Variants in KLHL13 observed in about 807,000 individuals in gnomAD.
The protein encoded by KLHL13 is kelch-like protein 13.
KLHL13 carries 10 observed loss-of-function variants against 37.1 expected under a neutral mutation model. The ratio of observed to expected loss-of-function variants is 0.27; its 90% CI spans 0.17 to 0.46. The LOEUF (loss-of-function observed/expected upper bound fraction) is 0.46, where lower values mean the gene tolerates loss of function less well. Among genes scored for constraint, KLHL13 ranks in the 20% least tolerant of loss-of-function variants. The pLI is 1.00. For synonymous variants in KLHL13, 163 were observed against 181.2 expected (o/e 0.90, Z 0.81); for missense variants, 360 against 509.3 (o/e 0.71, Z 2.82).
chrX:117,902,819 C>T (rs991369060), intron 5 of KLHL13, among the ~76,000 whole-genome samples: 1 of 110,908 alleles, frequency 9.0e-6, no homozygotes, highest in Non-Finnish European at 1.9e-5. Context: ...TTATTTATTG[C>T]AGACACTGCC....
intron 1 of KLHL13, among the ~76,000 whole-genome samples, chrX:118,057,494 T>C (rs1444713986): frequency 8.9e-6 from 1 of 112,353 alleles, no homozygotes. Context: ...TTAATCAAAA[T>C]GTAAAACTTG....
At chrX:117,995,384 T>A (rs1396702357) in intron 1 of KLHL13, among the ~76,000 whole-genome samples, 1 of 112,036 alleles carries the variant, frequency 8.9e-6, no homozygotes, top group East Asian at 2.8e-4. Context: ...TAAGTCTTAT[T>A]TTTTCCATAC....
intron 2 of KLHL13, among the ~76,000 whole-genome samples, chrX:117,942,000 T>C (rs988163238): frequency 6.2e-5 from 7 of 112,213 alleles, no homozygotes; most frequent in Non-Finnish European, 9.4e-5. Flanking sequence ...AACACTGCTT[T>C]AGCTGTGTCC....
intron 1 of KLHL13, among the ~76,000 whole-genome samples, chrX:118,062,684 G>A (rs2054754565): frequency 9.1e-6 from 1 of 110,335 alleles, no homozygotes; most frequent in South Asian, 3.8e-4. Context: ...TATAATCATG[G>A]TATTGATTTT....
At chrX:117,925,504 G>A (rs1252919264) in intron 2 of KLHL13, among the ~76,000 whole-genome samples, 1 of 111,895 alleles carries the variant, frequency 8.9e-6, no homozygotes, top group Non-Finnish European at 1.9e-5. Flanking sequence ...GTTTTTATGA[G>A]GCTGCTCTTC....
chrX:117,967,867 T>C (rs2053462898), intron 1 of KLHL13, among the ~76,000 whole-genome samples: 1 of 111,772 alleles, frequency 8.9e-6, no homozygotes, highest in Non-Finnish European at 1.9e-5. Flanking sequence ...GAGCAAGCAA[T>C]CTGATTGTAA....
chrX:118,098,535 G>C (rs914332076), intron 1 of KLHL13, among the ~76,000 whole-genome samples: 1 of 110,585 alleles, frequency 9.0e-6, no homozygotes, highest in African/African-American at 3.3e-5. Flanking sequence ...CAGGGATCTA[G>C]AACTAGAAAT....
intron 1 of KLHL13, among the ~76,000 whole-genome samples, chrX:118,094,764 C>T (rs2055181292): frequency 9.0e-6 from 1 of 111,250 alleles, no homozygotes; most frequent in South Asian, 3.8e-4. Context: ...GAATTTTCAA[C>T]CCAGAATTTC....
exon 1 of KLHL13, chrX:117,973,240 C>T (rs1008479100): frequency 1.0e-5 from 10 of 965,415 alleles, no homozygotes; most frequent in Non-Finnish European, 1.3e-5. Flanking sequence ...ACCTATTAAC[C>T]TGATTTCTGA....
intron 5 of KLHL13, among the ~76,000 whole-genome samples, chrX:117,903,061 C>A (rs1930204318): frequency 9.3e-6 from 1 of 107,671 alleles, no homozygotes; most frequent in African/African-American, 3.4e-5. Flanking sequence ...CTACTTGCAA[C>A]CAAATGCAAT....
chrX:118,052,851 A>G (rs2148075473), intron 1 of KLHL13, among the ~76,000 whole-genome samples: 1 of 110,635 alleles, frequency 9.0e-6, no homozygotes, highest in African/African-American at 3.3e-5. Flanking sequence ...ACTAGAAGAC[A>G]GATAAAGGAG....
At chrX:117,921,465 A>G (rs756246955) in intron 2 of KLHL13, among the ~76,000 whole-genome samples, 1 of 111,951 alleles carries the variant, frequency 8.9e-6, no homozygotes, top group Non-Finnish European at 1.9e-5. Context: ...CAATTTAACA[A>G]TGATACAAAA....
intron 1 of KLHL13, among the ~76,000 whole-genome samples, chrX:117,980,893 T>C (rs1264041681): frequency 8.9e-6 from 1 of 111,840 alleles, no homozygotes; most frequent in East Asian, 2.8e-4. Context: ...ACCCAACAGT[T>C]TTCTTAAAGA....
In KLHL13 at chrX:118,028,461, G is replaced by A. The variant is rs2054297861; in HGVS notation, c.-55-82886C>T. ...ATTGCAGCAACCAATTCCCCTCTAT[G>A]CAGATGATCCATCACCTCTAAAAGT... On this transcript the variant is annotated intron_variant, in intron 1 of 6. Transcript: ENST00000371882. 3.6e-6 allele frequency: 4 copies of A among 1,126,379 alleles called. No individual in the cohort carries two copies. In the East Asian group the frequency reaches 1.3e-4, roughly 37 times the overall value. The allele number at this position is 1,126,379 out of a possible 1,213,427, so 92.8% of individuals were successfully genotyped here.
chrX:118,059,064 T>C lies in KLHL13; in HGVS notation c.-56+57444A>G, dbSNP rs148108004. 9.0e-3 allele frequency among the ~76,000 whole-genome samples: 997 copies of C among 111,206 alleles called. 17 individuals are homozygous for C. Among genetic ancestry groups the C allele is most frequent in the African/African-American group, 0.03 (928 of 30,597 alleles). On this transcript the variant is annotated intron_variant, in intron 1 of 6. Coordinates refer to the KLHL13 transcript ENST00000371882. ...AAGGAAGGCACACTAAGGCATGACA[T>C]AGAAGAAAATGCAAAAGCTGTTCAA...
chrX:117,916,799 AACTATAATATC>A (rs1232590520), intron 4 of KLHL13, among the ~76,000 whole-genome samples: 415 of 112,244 alleles, frequency 3.7e-3, no homozygotes, highest in Non-Finnish European at 6.6e-3. Flanking sequence ...TGATTATGTG[AACTATAATATC>A]ACTATATCAT....
chrX:117,909,974 C>T, exon 5 of KLHL13: 2 of 1,210,733 alleles, frequency 1.7e-6, no homozygotes, highest in East Asian at 3.0e-5. Context: ...GTTTCAAGAA[C>T]TCCCCTGTGC....
At chrX:118,000,319 C>T (rs924735421) in intron 1 of KLHL13, among the ~76,000 whole-genome samples, 4 of 111,842 alleles carry the variant, frequency 3.6e-5, no homozygotes, top group African/African-American at 1.3e-4. Flanking sequence ...CCTGCCCCAG[C>T]GTCCTAAAAT....
At chrX:118,109,272 C>T (rs775217132) in intron 1 of KLHL13, among the ~76,000 whole-genome samples, 3 of 111,882 alleles carry the variant, frequency 2.7e-5, no homozygotes, top group East Asian at 5.6e-4. Flanking sequence ...CTTGAAATTG[C>T]GCAACAGAGA....
Sources: gnomAD v4.1 joint callset for allele counts (sites outside exome capture counted in the v4.1 genomes callset) on GRCh38, gnomAD v4.1.1 for gene constraint, MANE v1.5 for transcripts, NCBI Gene and HGNC (gene_info 2026-07-23, HGNC 2026-07-21) for gene names.